EPAS1: variants seen among roughly 807,000 people sequenced by gnomAD.
The protein encoded by EPAS1 is endothelial PAS domain-containing protein 1.
EPAS1 carries 23 observed loss-of-function variants against 87.9 expected under a neutral mutation model. The ratio of observed to expected loss-of-function variants is 0.26; its 90% CI spans 0.19 to 0.37. The LOEUF is 0.37. EPAS1 is among the 10% of genes least tolerant of loss of function. The pLI is 1.00. For missense variants in EPAS1, 1,138 were observed against 1,120.7 expected, an observed-to-expected ratio of 1.02 and a Z score of -0.22; for synonymous variants, 508 against 444.3, an observed-to-expected ratio of 1.14 and a Z score of -1.80.
chr2:46,336,683 C>T (rs1572627046), intron 1 of EPAS1, among the ~76,000 whole-genome samples: 1 of 152,196 alleles, frequency 6.6e-6, no homozygotes, highest in South Asian at 2.1e-4. Context: ...TGCCAGATGG[C>T]ATCTTCAGTC....
chr2:46,380,684 T>C lies in EPAS1; in HGVS notation c.2012T>C (p.Val671Ala), dbSNP rs1179501247. ...FLGAAPLGPP[V>A]SPPHVSTFKT... Reference sequence around the variant, plus strand: ...GGAGCAGCGCCGTTGGGGCCCCCTGTCTCTCCACCCCATGTCTCCACCTTC... The same window carrying C: ...GGAGCAGCGCCGTTGGGGCCCCCTGCCTCTCCACCCCATGTCTCCACCTTC... Residue 671 changes from valine to alanine, a missense_variant, in exon 12 of 16, where the codon GTC (valine) becomes GCC (alanine). Val to Ala is a moderately conservative substitution (Grantham distance 64). Around this residue, in one of 4 missense-constraint regions of EPAS1, gnomAD observed 502 missense variants for 427.1 expected, o/e 1.18. Transcript: ENST00000263734. The surrounding 1 kb of genome is among the most constrained non-coding windows in gnomAD (Gnocchi z 4.4). The C allele has an allele frequency of 6.2e-7, 1 of 1,613,544 alleles. No homozygotes were observed. The highest frequency in any genetic ancestry group is 8.5e-7 in the Non-Finnish European group (1 of 1,180,000).
chr2:46,363,606 T>C (rs777978212), intron 6 of EPAS1, among the ~76,000 whole-genome samples: 19 of 152,032 alleles, frequency 1.2e-4, no homozygotes, highest in Non-Finnish European at 2.4e-4. Flanking sequence ...GGAGAGGAAA[T>C]GTACATAGAA....
rs1425866224 is a variant in EPAS1 at position 46,297,588 on chromosome 2, A to C, written c.-324A>C. 1 of 384,088 alleles carries C rather than the reference A, an allele frequency of 2.6e-6. No individual in the cohort carries two copies. Among genetic ancestry groups the C allele is most frequent in the African/African-American group, 2.2e-5 (1 of 45,244 alleles). 23.8% of individuals were successfully genotyped at this position (384,088 alleles called of 1,614,324 possible). ...TTTTTTTTTCTTTGAAAACTCAGAA[A>C]AGTGACTCCTTTTCCAGGGAAAAAG... On this transcript the variant is annotated 5_prime_UTR_variant, in exon 1 of 16. Transcript: ENST00000263734.
At chr2:46,311,008 T>G (rs1250970683) in intron 1 of EPAS1, among the ~76,000 whole-genome samples, 1 of 152,158 alleles carries the variant, frequency 6.6e-6, no homozygotes, top group Non-Finnish European at 1.5e-5. Context: ...TCCCCAGTAG[T>G]TGGGACTACA....
intron 1 of EPAS1, among the ~76,000 whole-genome samples, chr2:46,301,824 GA>G (rs3053640): frequency 1.9e-3 from 248 of 131,334 alleles, no homozygotes; most frequent in African/African-American, 4.9e-3. Flanking sequence ...TTTGCTTTTT[GA>G]AAAAAAAAAA....
intron 7 of EPAS1, among the ~76,000 whole-genome samples, chr2:46,374,148 A>G (rs1305873588): frequency 6.6e-6 from 1 of 152,254 alleles, no homozygotes; most frequent in Non-Finnish European, 1.5e-5. Flanking sequence ...TGAAGAAGAA[A>G]GCAAAACATA....
intron 2 of EPAS1, among the ~76,000 whole-genome samples, chr2:46,349,473 C>T (rs1684103386): frequency 6.6e-6 from 1 of 152,218 alleles, no homozygotes; most frequent in Non-Finnish European, 1.5e-5. Flanking sequence ...CCATATCTAT[C>T]CCATCTCCGG....
chr2:46,308,829 T>C (rs2104840146), intron 1 of EPAS1, among the ~76,000 whole-genome samples: 1 of 152,356 alleles, frequency 6.6e-6, no homozygotes, highest in South Asian at 2.1e-4. Context: ...GCACTAGCTC[T>C]CAGTTCAGAG....
rs1684874876 is a variant in EPAS1, at chr2:46,380,892, G to A, written c.2045+175G>A. ...CACCTCAAGCCATGTGAGGCCTAGT[G>A]TAGGATGGGTTTTTATCTGGGCTGC... is the stretch of plus-strand genomic sequence containing the variant. On this transcript the variant is annotated intron_variant, in intron 12 of 15. Transcript: ENST00000263734. This position sits in a 1 kb window ranked among gnomAD's most constrained non-coding sequence, Gnocchi z 4.4. Among the ~76,000 whole-genome samples the A allele has an allele frequency of 6.6e-6, 1 of 152,166 alleles. No individual in the cohort carries two copies. Among genetic ancestry groups the A allele is most frequent in the Non-Finnish European group, 1.5e-5 (1 of 68,018 alleles).
intron 1 of EPAS1, among the ~76,000 whole-genome samples, chr2:46,334,686 G>A (rs575602278): frequency 9.2e-5 from 14 of 152,314 alleles, no homozygotes; most frequent in Admixed American, 7.8e-4. Context: ...CGTAGGAAGA[G>A]AGAATCATTA....
In EPAS1 at chr2:46,347,168, A is replaced by G. The variant is rs1684048256; in HGVS notation, c.217+105A>G. 3 of 1,298,812 alleles carry G rather than the reference A, an allele frequency of 2.3e-6. No individual in the cohort carries two copies. The highest frequency in any genetic ancestry group is 3.3e-6 in the Non-Finnish European group (3 of 899,718). 80.5% of individuals were successfully genotyped at this position (1,298,812 alleles called of 1,614,324 possible). On this transcript the variant is annotated intron_variant, in intron 2 of 15. Transcript: ENST00000263734. The surrounding 1 kb of genome is among the most constrained non-coding windows in gnomAD (Gnocchi z 4.2). The stretch of plus-strand genomic sequence containing the variant: ...GCCAGAGCTGGAAAGTCACCCCACT[A>G]CAGAACTTTCACCCACAGAAACACC...
At chr2:46,324,129 C>T (rs1409260829) in intron 1 of EPAS1, among the ~76,000 whole-genome samples, 2 of 152,166 alleles carry the variant, frequency 1.3e-5, no homozygotes, top group South Asian at 2.1e-4. Context: ...TGCGGTGGTG[C>T]GATCTTGGCT....
At chr2:46,299,244 G>A (rs530981963) in intron 1 of EPAS1, among the ~76,000 whole-genome samples, 1 of 152,348 alleles carries the variant, frequency 6.6e-6, no homozygotes, top group African/African-American at 2.4e-5. Context: ...TGATAAACGG[G>A]AGCGAATCGC....
chr2:46,352,398 C>T (rs1409778669), intron 2 of EPAS1, among the ~76,000 whole-genome samples: 1 of 152,214 alleles, frequency 6.6e-6, no homozygotes, highest in Non-Finnish European at 1.5e-5. Context: ...AGTGACACTT[C>T]TGGACAGATT....
chr2:46,334,169 G>T (rs982316463), intron 1 of EPAS1, among the ~76,000 whole-genome samples: 1 of 152,172 alleles, frequency 6.6e-6, no homozygotes, highest in Non-Finnish European at 1.5e-5. Flanking sequence ...GCCAAAGCAT[G>T]ACCAGCAGGA....
intron 2 of EPAS1, among the ~76,000 whole-genome samples, chr2:46,352,605 C>T (rs769414144): frequency 6.6e-6 from 1 of 152,164 alleles, no homozygotes; most frequent in Non-Finnish European, 1.5e-5. Context: ...GAGGGGCTAC[C>T]TCCTGGCTCC....
At chr2:46,378,180 CCTT>C in intron 10 of EPAS1, 93 bp downstream of exon 10, 1 of 1,519,716 alleles carries the variant, frequency 6.6e-7, no homozygotes, top group Non-Finnish European at 8.8e-7. Context: ...CAGGTACTGT[CCTT>C]CTCAGGTTAT....
intron 6 of EPAS1, among the ~76,000 whole-genome samples, chr2:46,367,485 A>G (rs1336568092): frequency 6.6e-6 from 1 of 152,248 alleles, no homozygotes; most frequent in African/African-American, 2.4e-5. Flanking sequence ...CCAGCAGCGA[A>G]GCCATTTGAT....
At chr2:46,368,654 C>T (rs1448157877) in intron 6 of EPAS1, among the ~76,000 whole-genome samples, 1 of 152,210 alleles carries the variant, frequency 6.6e-6, no homozygotes, top group East Asian at 1.9e-4. Flanking sequence ...CTTTCTGCTT[C>T]TGCTTTCCTC....
Sources: allele counts gnomAD v4.1 joint callset (sites outside exome capture counted in the v4.1 genomes callset), GRCh38; gene constraint gnomAD v4.1.1; regional missense constraint gnomAD v4.1.1; non-coding constraint Gnocchi (gnomAD v3.1); transcripts MANE v1.5; gene names NCBI Gene and HGNC (gene_info 2026-07-23, HGNC 2026-07-21).